SNTB1: variants seen among roughly 807,000 people sequenced by gnomAD.
The protein encoded by SNTB1 is syntrophin beta 1.
A neutral mutation model predicts 48.9 loss-of-function variants in SNTB1; 36 were observed. The observed-to-expected ratio is 0.74, with a 90% CI of 0.56 to 0.97. The LOEUF (loss-of-function observed/expected upper bound fraction) is 0.97. Among genes scored for constraint, SNTB1 ranks in the 50% least tolerant of loss-of-function variants. The pLI is 0.00. For synonymous variants in SNTB1, 299 were observed against 294.6 expected (o/e 1.01, Z -0.15); for missense variants, 786 against 703.4 (o/e 1.12, Z -1.33).
At chr8:120,799,892 T>G (rs1038569322) in intron 1 of SNTB1, among the ~76,000 whole-genome samples, 12 of 152,082 alleles carry the variant, frequency 7.9e-5, no homozygotes, top group Non-Finnish European at 1.5e-5. Flanking sequence ...TATGCAACTT[T>G]TCAAAACTTG....
chr8:120,774,779 A>G (rs944421682), intron 1 of SNTB1, among the ~76,000 whole-genome samples: 86 of 152,152 alleles, frequency 5.7e-4, no homozygotes, highest in African/African-American at 2.0e-3. Flanking sequence ...TCAACCTCCC[A>G]AGTAGCTGGA....
intron 1 of SNTB1, among the ~76,000 whole-genome samples, chr8:120,720,500 T>C (rs1818641165): frequency 6.6e-6 from 1 of 152,180 alleles, no homozygotes; most frequent in Non-Finnish European, 1.5e-5. Context: ...AGACAACTAT[T>C]GAACATTCAA....
intron 1 of SNTB1, among the ~76,000 whole-genome samples, chr8:120,750,380 T>A (rs1252638897): frequency 6.6e-6 from 1 of 152,168 alleles, no homozygotes; most frequent in East Asian, 1.9e-4. Flanking sequence ...CCAACACCGA[T>A]TGATTTGCCT....
intron 2 of SNTB1, among the ~76,000 whole-genome samples, chr8:120,667,100 CTT>C (rs34814377): frequency 7.1e-6 from 1 of 140,640 alleles, no homozygotes. Context: ...TCTCTCTCTT[CTT>C]TTTTTTTTTT....
In SNTB1 at chr8:120,693,791, G is replaced by T; in HGVS notation, c.689C>A (p.Pro230Gln). 6.2e-7 allele frequency: 1 copy of T among 1,613,642 alleles called. No individual in the cohort carries two copies. Among genetic ancestry groups the T allele is most frequent in the Non-Finnish European group, 8.5e-7 (1 of 1,179,780 alleles). ...PRLGGSTSDP[P>Q]SSQSFSFHRD... is the part of the protein sequence containing the mutation. ...GTGGAAGGAGAAGGACTGCGATGACGGGGGGTCTGAGGTGCTGCCCCCTAA... is the reference window on the plus strand; with the variant it reads ...GTGGAAGGAGAAGGACTGCGATGACTGGGGGTCTGAGGTGCTGCCCCCTAA... The change falls in exon 2 of 7, where the codon CCG (proline) becomes CAG (glutamine). Residue 230 changes from proline (P) to glutamine (Q), a missense_variant. Physicochemically the swap from Pro to Gln is moderately conservative, Grantham distance 76. Coordinates refer to ENST00000517992, the MANE Select transcript of SNTB1 (RefSeq NM_021021.4).
chr8:120,584,438 C>CAA (rs11443743), intron 3 of SNTB1, among the ~76,000 whole-genome samples: 1,908 of 56,858 alleles, frequency 0.034, 274 homozygotes, highest in African/African-American at 0.1. Flanking sequence ...AACTCCATCT[C>CAA]AAAAAAAAAA....
chr8:120,575,339 G>T, intron 3 of SNTB1, 114 bp from the exon 4 acceptor site: 1 of 1,220,904 alleles, frequency 8.2e-7, no homozygotes, highest in Non-Finnish European at 1.2e-6. Flanking sequence ...CTTTTGGTTT[G>T]GTTGCAAAAT....
intron 1 of SNTB1, among the ~76,000 whole-genome samples, chr8:120,704,729 A>G (rs562893416): frequency 6.6e-6 from 1 of 152,332 alleles, no homozygotes; most frequent in East Asian, 1.9e-4. Context: ...AACTTACTAG[A>G]TAGCTTCTAG....
intron 2 of SNTB1, among the ~76,000 whole-genome samples, chr8:120,683,071 C>T (rs1298181420): frequency 6.6e-6 from 1 of 151,804 alleles, no homozygotes; most frequent in Non-Finnish European, 1.5e-5. Context: ...TTAGTAGAGA[C>T]GGGGTTTCAC....
chr8:120,611,691 G>A (rs1587030384), intron 3 of SNTB1, among the ~76,000 whole-genome samples: 2 of 151,630 alleles, frequency 1.3e-5, no homozygotes, highest in African/African-American at 2.4e-5. Context: ...GCGTGGTGGC[G>A]GGTGCCTGTA....
intron 1 of SNTB1, among the ~76,000 whole-genome samples, chr8:120,700,156 CGTGTGT>C (rs58077307): frequency 3.4e-5 from 5 of 149,182 alleles, no homozygotes; most frequent in African/African-American, 4.9e-5. Flanking sequence ...AAAAAAATTG[CGTGTGT>C]GTGTGTGTGT....
chr8:120,744,527 G>T (rs180785621), intron 1 of SNTB1, among the ~76,000 whole-genome samples: 178 of 152,266 alleles, frequency 1.2e-3, no homozygotes, highest in African/African-American at 3.8e-3. Flanking sequence ...GTTTGAAGTG[G>T]CATAAATTCA....
At position 120,563,113 on chromosome 8, in the gene SNTB1, C is replaced by G. The variant is rs552408444; in HGVS notation, c.1136+11973G>C. ...GCCCTTTTTACAAGCTCTGTGTTCC[C>G]GAAACTCCCCACCAGCCACTGGGAC... On this transcript the variant is annotated intron_variant, in intron 4 of 6. Transcript: ENST00000517992. Among the ~76,000 whole-genome samples, 4 of 152,096 alleles carry G rather than the reference C, an allele frequency of 2.6e-5. No homozygotes were observed. In the East Asian group the frequency reaches 7.8e-4, roughly 30 times the overall value.
chr8:120,741,734 G>A (rs757280071), intron 1 of SNTB1, among the ~76,000 whole-genome samples: 1 of 152,166 alleles, frequency 6.6e-6, no homozygotes, highest in Non-Finnish European at 1.5e-5. Flanking sequence ...CTATATCAGT[G>A]GTCAGCAAAC....
chr8:120,670,473 G>T (rs532032229), intron 2 of SNTB1, among the ~76,000 whole-genome samples: 1 of 152,342 alleles, frequency 6.6e-6, no homozygotes, highest in East Asian at 1.9e-4. Context: ...ATATCCGTAT[G>T]AGGACTGAAG....
At chr8:120,725,831 G>T (rs568436119) in intron 1 of SNTB1, among the ~76,000 whole-genome samples, 1 of 152,278 alleles carries the variant, frequency 6.6e-6, no homozygotes, top group African/African-American at 2.4e-5. Context: ...TCCCCAGACA[G>T]GAGAGCTTTC....
intron 3 of SNTB1, among the ~76,000 whole-genome samples, chr8:120,594,489 C>T (rs751798885): frequency 5.9e-5 from 9 of 152,040 alleles, no homozygotes; most frequent in African/African-American, 1.9e-4. Flanking sequence ...CCACCTGCCT[C>T]GGCCTCCCAA....
chr8:120,768,025 T>G (rs1332146014), intron 1 of SNTB1, among the ~76,000 whole-genome samples: 1 of 152,168 alleles, frequency 6.6e-6, no homozygotes, highest in Admixed American at 6.5e-5. Context: ...TGGCTCAGAT[T>G]TTAAAATTGC....
At chr8:120,762,540 CT>C (rs1415636965) in intron 1 of SNTB1, among the ~76,000 whole-genome samples, 1 of 152,180 alleles carries the variant, frequency 6.6e-6, no homozygotes, top group Non-Finnish European at 1.5e-5. Flanking sequence ...GGAAAAGCTT[CT>C]CCTTGATTTT....
Sources: allele counts gnomAD v4.1 joint callset (sites outside exome capture counted in the v4.1 genomes callset), GRCh38; gene constraint gnomAD v4.1.1; transcripts MANE v1.5; gene names NCBI Gene and HGNC (gene_info 2026-07-23, HGNC 2026-07-21).